TYRP1: variants seen among roughly 807,000 people sequenced by gnomAD.
TYRP1 encodes the protein 5,6-dihydroxyindole-2-carboxylic acid oxidase.
In TYRP1, 49 loss-of-function variants were observed where a neutral mutation model predicts 42.8. The ratio of observed to expected loss-of-function variants is 1.14; its 90% CI spans 0.91 to 1.45. TYRP1 has a LOEUF of 1.45. Among genes scored for constraint, TYRP1 ranks in the 40% most tolerant of loss-of-function variants. The probability of loss-of-function intolerance (pLI) is 0.00; values close to 1 mark genes in which losing one functional copy is unlikely to be tolerated. For missense variants in TYRP1, 848 were observed against 662.0 expected (o/e 1.28, Z -3.08); for synonymous variants, 279 against 235.4 (o/e 1.19, Z -1.69).
In TYRP1 at chr9:12,695,647, A is replaced by C; in HGVS notation, c.518A>C (p.Asp173Ala). 2 of 1,614,192 alleles carry C rather than the reference A, an allele frequency of 1.2e-6. No individual in the cohort carries two copies. The highest frequency in any genetic ancestry group is 1.7e-6 in the Non-Finnish European group (2 of 1,180,028). The change falls in exon 3 of 8, where the codon GAT becomes GCT. Residue 173 changes from aspartate (D) to alanine (A), a missense_variant. Asp to Ala is a moderately radical substitution (Grantham distance 126). Transcript: ENST00000388918. ...AGATCAGAAGAAATACTGGGGCCAG[A>C]TGGCAACACGCCACAATTTGAGAAC... ...TRRSEEILGP[D>A]GNTPQFENIS... is the part of the protein sequence containing the mutation.
chr9:12,701,430 A>C (rs72702631), intron 4 of TYRP1, among the ~76,000 whole-genome samples: 7,984 of 151,990 alleles, frequency 0.053, 322 homozygotes, highest in Middle Eastern at 0.088. Context: ...AGTCTGTGGG[A>C]TACAAAGTTT....
intron 4 of TYRP1, among the ~76,000 whole-genome samples, chr9:12,699,543 A>G (rs1450184073): frequency 6.6e-6 from 1 of 152,162 alleles, no homozygotes; most frequent in Non-Finnish European, 1.5e-5. Flanking sequence ...GTATTATTTT[A>G]TGAACTTAAA....
Position 12,702,415 on chromosome 9 carries a change from A to G in TYRP1, c.1058A>G (p.Asn353Ser). Residue 353 changes from asparagine to serine, a missense_variant, in exon 5 of 8, where the codon AAC (asparagine) becomes AGC (serine). Physicochemically the swap from Asn to Ser is conservative, Grantham distance 46. Transcript: ENST00000388918. ...DTPPFYSNSTNSFRNTVEGYS... is the reference protein window; with the variant it reads ...DTPPFYSNSTSSFRNTVEGYS... ...CCTCCTTTTTATTCCAACTCTACAA[A>G]CAGTTTCCGAAACACAGTGGAAGGC... 6.2e-7 allele frequency: 1 copy of G among 1,612,904 alleles called. No individual in the cohort carries two copies. Among genetic ancestry groups the G allele is most frequent in the Non-Finnish European group, 8.5e-7 (1 of 1,179,286 alleles).
chr9:12,708,239 T>C, intron 7 of TYRP1, 96 bp downstream of exon 7: 1 of 1,472,222 alleles, frequency 6.8e-7, no homozygotes. Context: ...AGCTATGTTT[T>C]CCATTTGGAC....
In TYRP1 at chr9:12,694,380, A is replaced by T; in HGVS notation, c.384A>T (p.Ile128=). The T allele has an allele frequency of 6.2e-7, 1 of 1,613,838 alleles. No individual in the cohort carries two copies. The highest frequency in any genetic ancestry group is 8.5e-7 in the Non-Finnish European group (1 of 1,179,934). ...RGAACDQRVL[I]VRRNLLDLSK... is the part of the protein sequence containing the mutation. ...CTGCCTGTGACCAGAGGGTTCTCAT[A>T]GGTAAGTGGAGATATGAATGAGTTC... Residue 128 remains isoleucine, a splice_region_variant and synonymous_variant, in exon 2 of 8, where the codon ATA becomes ATT. Transcript: ENST00000388918.
At chr9:12,697,825 C>G (rs1372672730) in intron 3 of TYRP1, among the ~76,000 whole-genome samples, 3 of 152,104 alleles carry the variant, frequency 2.0e-5, no homozygotes, top group African/African-American at 7.2e-5. Context: ...GCATTTTTAT[C>G]AGTATAAATT....
At chr9:12,698,732 T>C in intron 4 of TYRP1, 77 bp downstream of exon 4, 2 of 1,326,702 alleles carry the variant, frequency 1.5e-6, no homozygotes, top group South Asian at 2.4e-5. Flanking sequence ...GAAAGGCCCT[T>C]CATTCTACTA....
chr9:12,698,422 A>G, intron 3 of TYRP1, 29 bp from the exon 4 acceptor site: 2 of 1,585,624 alleles, frequency 1.3e-6, no homozygotes, highest in African/African-American at 1.3e-5. Flanking sequence ...ACAGAAGCAG[A>G]GAGTATTAAT....
intron 4 of TYRP1, chr9:12,701,508 C>T (rs945329875): frequency 6.6e-6 from 1 of 151,930 alleles, no homozygotes; most frequent in Non-Finnish European, 1.5e-5. Flanking sequence ...TTTCCTCTGC[C>T]TAAAATGTTT....
chr9:12,694,173 A>G lies in TYRP1; in HGVS notation c.177A>G (p.Ser59=), dbSNP rs914416365. The G allele has an allele frequency of 6.2e-6, 10 of 1,613,800 alleles. No individual in the cohort carries two copies. The African/African-American group carries it at 1.3e-4, about 22-fold the overall frequency. The change falls in exon 2 of 8, where the codon TCA becomes TCG. Residue 59 remains serine (S), a synonymous_variant. Coordinates refer to ENST00000388918, the MANE Select transcript of TYRP1 (RefSeq NM_000550.3). The part of the protein sequence containing the change: ...SGPGTDRCGS[S]SGRGRCEAVT... ...CTGGGACAGACCGCTGTGGCTCATC[A>G]TCAGGGAGGGGCAGATGTGAGGCAG...
rs1818069618 is a variant in TYRP1, at chr9:12,695,738, A to G, written c.609A>G (p.Val203=). The change falls in exon 3 of 8, where the codon GTA becomes GTG. Residue 203 remains valine, a synonymous_variant. Transcript: ENST00000388918. Reference sequence around the variant, plus strand: ...CAGTCAAAAAGACTTTCCTTGGGGTAGGACAGGAAAGCTTTGGTGAAGTGG... The same window carrying G: ...CAGTCAAAAAGACTTTCCTTGGGGTGGGACAGGAAAGCTTTGGTGAAGTGG... ...YYSVKKTFLG[V]GQESFGEVDF... is the part of the protein sequence containing the mutation. 3 of 1,614,172 alleles carry G rather than the reference A, an allele frequency of 1.9e-6. No individual in the cohort carries two copies. In the African/African-American group the frequency reaches 4.0e-5, roughly 22 times the overall value.
intron 3 of TYRP1, among the ~76,000 whole-genome samples, chr9:12,698,220 A>C (rs182374955): frequency 6.6e-6 from 1 of 152,116 alleles, no homozygotes; most frequent in African/African-American, 2.4e-5. Context: ...TGTCTGCATA[A>C]TGAGTTGAGT....
intron 5 of TYRP1, 82 bp from the exon 6 acceptor site, chr9:12,704,444 T>G: frequency 6.7e-7 from 1 of 1,501,752 alleles, no homozygotes; most frequent in Non-Finnish European, 9.1e-7. Context: ...AAAAATTGTT[T>G]CCCAATATAA....
intron 5 of TYRP1, among the ~76,000 whole-genome samples, chr9:12,703,241 C>A (rs2118252643): frequency 6.6e-6 from 1 of 151,898 alleles, no homozygotes; most frequent in Non-Finnish European, 1.5e-5. Flanking sequence ...TCTAATGCAT[C>A]CCATCTCCCC....
At position 12,709,550 on chromosome 9, in the gene TYRP1, C is replaced by T. The variant is rs1012646229; in HGVS notation, c.*368C>T. On this transcript the variant is annotated 3_prime_UTR_variant, in exon 8 of 8. Coordinates refer to ENST00000388918, the MANE Select transcript of TYRP1 (RefSeq NM_000550.3). Reference sequence around the variant, plus strand: ...TGATAGTAAATGTCCACTTAAAATACATGAATGGGCATTTCTAAAATGTTA... The same window carrying T: ...TGATAGTAAATGTCCACTTAAAATATATGAATGGGCATTTCTAAAATGTTA... The T allele has an allele frequency of 1.4e-5, 3 of 214,740 alleles. No individual in the cohort carries two copies. The highest frequency in any genetic ancestry group is 6.9e-5 in the African/African-American group (3 of 43,724). 13.3% of individuals were successfully genotyped at this position (214,740 alleles called of 1,614,324 possible).
intron 4 of TYRP1, chr9:12,700,065 GATAAATGGCAGACATTTT>G (rs1306285262): frequency 6.6e-6 from 1 of 152,070 alleles, no homozygotes; most frequent in East Asian, 1.9e-4. Flanking sequence ...CACTGCAAGA[GATAAATGGCAGACATTTT>G]ATTTATAAGG....
At position 12,709,471 on chromosome 9, in the gene TYRP1, G is replaced by GA. The variant is rs1818321281; in HGVS notation, c.*290dup. ...ATGATTTAAAGGTTGAGTATGTGAA[G>GA]ATATAAGTAAGTGAACTACCATGCT... is the stretch of plus-strand genomic sequence containing the variant. On this transcript the variant is annotated 3_prime_UTR_variant, in exon 8 of 8. Transcript: ENST00000388918. The GA allele has an allele frequency of 3.4e-6, 1 of 292,924 alleles. No homozygotes were observed. The highest frequency in any genetic ancestry group is 2.7e-5 in the South Asian group (1 of 36,912). The allele number at this position is 292,924 out of a possible 1,614,324, so 18.1% of individuals were successfully genotyped here.
chr9:12,708,486 T>C (rs1276478681), intron 7 of TYRP1, among the ~76,000 whole-genome samples: 1 of 151,980 alleles, frequency 6.6e-6, no homozygotes, highest in African/African-American at 2.4e-5. Context: ...AGTTTGAGCT[T>C]AGGCCCATGG....
At chr9:12,695,398 A>G in intron 2 of TYRP1, 117 bp from the exon 3 acceptor site, 4 of 925,300 alleles carry the variant, frequency 4.3e-6, no homozygotes, top group Non-Finnish European at 6.7e-6. Context: ...AAATAATTTA[A>G]AACACATTTG....
Sources: gnomAD v4.1 joint callset for allele counts (sites outside exome capture counted in the v4.1 genomes callset) on GRCh38, gnomAD v4.1.1 for gene constraint, MANE v1.5 for transcripts, NCBI Gene and HGNC (gene_info 2026-07-23, HGNC 2026-07-21) for gene names.